B3GALT1: variants seen among roughly 807,000 people sequenced by gnomAD.
B3GALT1 encodes beta-1,3-galactosyltransferase 1.
A neutral mutation model predicts 23.2 loss-of-function variants in B3GALT1; 10 were observed. The ratio of observed to expected loss-of-function variants is 0.43; its 90% CI spans 0.27 to 0.73. The LOEUF (loss-of-function observed/expected upper bound fraction) is 0.73. Among genes scored for constraint, B3GALT1 ranks in the 30% least tolerant of loss-of-function variants. The pLI, the probability that B3GALT1 is intolerant of heterozygous loss-of-function variation, is 0.21. For synonymous variants in B3GALT1, 156 were observed against 141.5 expected (o/e 1.10, Z -0.73); for missense variants, 299 against 405.4 (o/e 0.74, Z 2.25).
At chr2:167,661,903 CAG>C (rs1686066632) in intron 3 of B3GALT1, among the ~76,000 whole-genome samples, 1 of 151,988 alleles carries the variant, frequency 6.6e-6, no homozygotes, top group African/African-American at 2.4e-5. Context: ...AACTAAGTGT[CAG>C]GGGTGGGTTT....
intron 3 of B3GALT1, among the ~76,000 whole-genome samples, chr2:167,759,250 C>T (rs1235509953): frequency 6.6e-6 from 1 of 152,132 alleles, no homozygotes; most frequent in Non-Finnish European, 1.5e-5. Context: ...CCACTGAACA[C>T]CACTTCAAAC....
intron 3 of B3GALT1, among the ~76,000 whole-genome samples, chr2:167,751,675 G>A (rs1405718789): frequency 6.6e-6 from 1 of 152,184 alleles, no homozygotes; most frequent in Admixed American, 6.5e-5. Flanking sequence ...GTCAGTGGAG[G>A]TGAGGGAGTG....
intron 3 of B3GALT1, among the ~76,000 whole-genome samples, chr2:167,651,265 TGTGTGTGC>T (rs756328700): frequency 3.5e-5 from 4 of 115,904 alleles, no homozygotes; most frequent in East Asian, 2.0e-3. Context: ...TGTGTGTGTG[TGTGTGTGC>T]GCGCACGTGC....
At position 167,677,939 on chromosome 2, in the gene B3GALT1, G is replaced by A. The variant is rs141633078; in HGVS notation, c.-352+30973G>A. ...TAAAACCGTCAGATCTTGTGAGAACGCATCCACTATCATGATAACAGCATG... is the reference window on the plus strand; with the variant it reads ...TAAAACCGTCAGATCTTGTGAGAACACATCCACTATCATGATAACAGCATG... On this transcript the variant is annotated intron_variant, in intron 3 of 4. Coordinates refer to ENST00000392690, the MANE Select transcript of B3GALT1 (RefSeq NM_020981.4). 6.5e-4 allele frequency among the ~76,000 whole-genome samples: 99 copies of A among 152,190 alleles called. 3 individuals are homozygous for A. In the East Asian group the frequency reaches 0.01, roughly 15 times the overall value.
intron 3 of B3GALT1, among the ~76,000 whole-genome samples, chr2:167,675,329 A>G (rs943509490): frequency 6.6e-6 from 1 of 152,220 alleles, no homozygotes; most frequent in Non-Finnish European, 1.5e-5. Flanking sequence ...CCCCATTTTT[A>G]TAGCAAATAT....
chr2:167,763,269 A>G (rs574754668), intron 3 of B3GALT1, among the ~76,000 whole-genome samples: 1 of 152,322 alleles, frequency 6.6e-6, no homozygotes, highest in East Asian at 1.9e-4. Context: ...TATTCATGAA[A>G]GTAAAGATCA....
chr2:167,509,765 G>A (rs76886364), intron 2 of B3GALT1, among the ~76,000 whole-genome samples: 1,688 of 152,236 alleles, frequency 0.011, 12 homozygotes, highest in Non-Finnish European at 0.016. Flanking sequence ...GCAACGTTAA[G>A]GGGAAAGACT....
chr2:167,465,881 T>G (rs1288051819), intron 1 of B3GALT1, among the ~76,000 whole-genome samples: 1 of 151,894 alleles, frequency 6.6e-6, no homozygotes, highest in Non-Finnish European at 1.5e-5. Flanking sequence ...TTTCCTCTTC[T>G]TTTCAATAAG....
At chr2:167,400,982 T>A (rs1023888456) in intron 1 of B3GALT1, among the ~76,000 whole-genome samples, 12 of 152,146 alleles carry the variant, frequency 7.9e-5, no homozygotes, top group Non-Finnish European at 2.9e-5. Flanking sequence ...AGTCCCCTTT[T>A]TCTCTGCTCA....
chr2:167,584,856 A>G (rs1684560289), intron 2 of B3GALT1, among the ~76,000 whole-genome samples: 1 of 151,894 alleles, frequency 6.6e-6, no homozygotes, highest in Admixed American at 6.6e-5. Flanking sequence ...GGGAATCTCC[A>G]TATGTTCAGC....
At chr2:167,434,523 TA>T (rs35876291) in intron 1 of B3GALT1, among the ~76,000 whole-genome samples, 111,742 of 134,192 alleles carry the variant, frequency 0.83, 46,219 homozygotes, top group Middle Eastern at 0.91. Flanking sequence ...AAGTACTCTG[TA>T]AAAAAAAAAA....
intron 1 of B3GALT1, among the ~76,000 whole-genome samples, chr2:167,363,417 A>G (rs922472645): frequency 5.9e-5 from 9 of 152,056 alleles, no homozygotes; most frequent in Non-Finnish European, 1.2e-4. Flanking sequence ...CACACACACA[A>G]AAGATACCAT....
At chr2:167,579,925 GGTGATTGATA>G (rs918184473) in intron 2 of B3GALT1, among the ~76,000 whole-genome samples, 64 of 152,100 alleles carry the variant, frequency 4.2e-4, no homozygotes, top group African/African-American at 1.5e-3. Context: ...CCTTTACATA[GGTGATTGATA>G]GTGATTGATA....
chr2:167,625,406 G>A (rs1479076051), intron 2 of B3GALT1, among the ~76,000 whole-genome samples: 1 of 151,658 alleles, frequency 6.6e-6, no homozygotes, highest in Admixed American at 6.6e-5. Context: ...ATTATGTAAT[G>A]GGCTAAAAAA....
intron 1 of B3GALT1, among the ~76,000 whole-genome samples, chr2:167,358,519 A>G (rs1245741681): frequency 6.6e-6 from 1 of 152,136 alleles, no homozygotes; most frequent in East Asian, 1.9e-4. Context: ...TTTGTTGAGC[A>G]TGTTTGTGAA....
chr2:167,764,118 CT>C (rs981067020), intron 3 of B3GALT1, among the ~76,000 whole-genome samples: 1 of 152,124 alleles, frequency 6.6e-6, no homozygotes, highest in African/African-American at 2.4e-5. Context: ...GAAAAGTTAT[CT>C]TTTTTTAGAT....
In B3GALT1 at chr2:167,482,496, C is replaced by T. The variant is rs189690328; in HGVS notation, c.-510-7681C>T. Among the ~76,000 whole-genome samples, 202 of 152,288 alleles carry T rather than the reference C, an allele frequency of 1.3e-3. 2 individuals carry two copies. The highest frequency in any genetic ancestry group is 4.7e-3 in the African/African-American group (197 of 41,568). ...TGAAATATACATTGTTCACCTCCTC[C>T]AGGCCATTGTTTCTCAAACTTCTAC... On this transcript the variant is annotated intron_variant, in intron 1 of 4. Coordinates refer to ENST00000392690, the MANE Select transcript of B3GALT1 (RefSeq NM_020981.4).
intron 4 of B3GALT1, among the ~76,000 whole-genome samples, chr2:167,843,647 C>T (rs1689696288): frequency 1.3e-5 from 2 of 152,216 alleles, no homozygotes; most frequent in Admixed American, 6.5e-5. Flanking sequence ...TGCTGCCACC[C>T]TAAAGACCCC....
At chr2:167,705,527 A>G (rs1180550836) in intron 3 of B3GALT1, among the ~76,000 whole-genome samples, 1 of 152,194 alleles carries the variant, frequency 6.6e-6, no homozygotes, top group Non-Finnish European at 1.5e-5. Flanking sequence ...AAACAAGATA[A>G]TTGGCATAGC....
Sources: allele counts gnomAD v4.1 joint callset (sites outside exome capture counted in the v4.1 genomes callset), GRCh38; gene constraint gnomAD v4.1.1; transcripts MANE v1.5; gene names NCBI Gene and HGNC (gene_info 2026-07-23, HGNC 2026-07-21).